ALG13: variants seen among roughly 807,000 people sequenced by gnomAD.
ALG13 encodes the protein ALG13 UDP-N-acetylglucosaminyltransferase subunit, also known as UDP-N-acetylglucosamine transferase subunit ALG13.
In ALG13, 11 loss-of-function variants were observed where a neutral mutation model predicts 87.8. The ratio of observed to expected loss-of-function variants is 0.13; its 90% CI spans 0.08 to 0.21. The LOEUF is 0.21. Among genes scored for constraint, ALG13 ranks in the 10% least tolerant of loss-of-function variants. ALG13 has a pLI of 1.00. For synonymous variants in ALG13, 320 were observed against 306.3 expected (o/e 1.04, Z -0.47); for missense variants, 756 against 866.1 (o/e 0.87, Z 1.60).
At chrX:111,732,752 G>T (rs1258438338) in intron 21 of ALG13, among the ~76,000 whole-genome samples, 1 of 111,611 alleles carries the variant, frequency 9.0e-6, no homozygotes, top group Non-Finnish European at 1.9e-5. Flanking sequence ...CCTTAGGAAG[G>T]AGAAGAAAAC....
chrX:111,727,505 A>G, intron 17 of ALG13, 60 bp downstream of exon 17: 1 of 1,095,769 alleles, frequency 9.1e-7, no homozygotes, highest in Non-Finnish European at 1.2e-6. Context: ...GCTGAACATT[A>G]ATGTTTTAAA....
intron 10 of ALG13, among the ~76,000 whole-genome samples, chrX:111,719,025 CTTTTTTTTT>C (rs1174274292): frequency 7.3e-5 from 6 of 82,415 alleles, no homozygotes; most frequent in African/African-American, 3.7e-4. Flanking sequence ...AATTTTTTTT[CTTTTTTTTT>C]TTTTTTTTTT....
chrX:111,688,942 T>A (rs1602526108), intron 3 of ALG13: 1 of 743,402 alleles, frequency 1.3e-6, no homozygotes, highest in Non-Finnish European at 1.6e-6. Context: ...ATATAGTTTA[T>A]CTATCAAAAT....
chrX:111,720,408 A>G (rs960151377), intron 11 of ALG13, among the ~76,000 whole-genome samples: 13 of 112,309 alleles, frequency 1.2e-4, no homozygotes, highest in Non-Finnish European at 2.4e-4. Context: ...CAGAAATTTC[A>G]AGAGCAATAT....
chrX:111,736,225 G>A (rs1429753753), intron 22 of ALG13, among the ~76,000 whole-genome samples: 1 of 111,690 alleles, frequency 9.0e-6, no homozygotes, highest in Admixed American at 9.5e-5. Flanking sequence ...AATCACTTGA[G>A]CCTGGAAAGT....
intron 24 of ALG13, among the ~76,000 whole-genome samples, chrX:111,752,119 A>T (rs755530523): frequency 8.9e-6 from 1 of 111,937 alleles, no homozygotes; most frequent in South Asian, 3.8e-4. Context: ...CTAGTAACTG[A>T]GGACCAAAAT....
rs186764010 is a variant in ALG13 at position 111,688,788 on chromosome X, A to G, written c.383+3685A>G. 3.9e-5 allele frequency: 29 copies of G among 740,255 alleles called. No homozygotes were observed. The East Asian group carries it at 3.2e-3, about 82-fold the overall frequency. The allele number at this position is 740,255 out of a possible 1,213,427, so 61.0% of individuals were successfully genotyped here. On this transcript the variant is annotated intron_variant, in intron 3 of 26. Coordinates refer to ENST00000394780, the MANE Select transcript of ALG13 (RefSeq NM_001099922.3). Reference sequence around the variant, plus strand: ...ATGAATGAACAATAAACTGATGCATATAATGGCTTAAATATATGGTTTTAA... The same window carrying G: ...ATGAATGAACAATAAACTGATGCATGTAATGGCTTAAATATATGGTTTTAA...
chrX:111,693,082 T>C (rs920829429), intron 3 of ALG13, among the ~76,000 whole-genome samples: 2 of 109,261 alleles, frequency 1.8e-5, no homozygotes, highest in African/African-American at 6.7e-5. Context: ...TGCCCAGTCA[T>C]CAAATGATAT....
intron 2 of ALG13, among the ~76,000 whole-genome samples, 189 bp from the exon 3 acceptor site, chrX:111,684,776 A>T (rs1005922936): frequency 1.8e-5 from 2 of 112,569 alleles, no homozygotes; most frequent in Non-Finnish European, 3.8e-5. Flanking sequence ...TTTCAAATAA[A>T]GTTTCTAGCA....
At position 111,726,922 on chromosome X, in the gene ALG13, C is replaced by G. The variant is rs374231091; in HGVS notation, c.1843C>G (p.Leu615Val). 8.3e-7 allele frequency: 1 copy of G among 1,211,745 alleles called. No homozygotes were observed. ...GGGAGACCCCCTCCTCCCACCCAGG[C>G]TGCAGCACAGTATGCATTATGGGCA... ...GKGDPLLPPRLQHSMHYGHDP... is the reference protein window; with the variant it reads ...GKGDPLLPPRVQHSMHYGHDP... Residue 615 changes from leucine to valine, a missense_variant, in exon 16 of 27, where the codon CTG (leucine) becomes GTG (valine). Physicochemically the swap from Leu to Val is conservative, Grantham distance 32. Around this residue, in one of 9 missense-constraint regions of ALG13, gnomAD observed 362 missense variants for 383.5 expected, o/e 0.94. Coordinates refer to ENST00000394780, the MANE Select transcript of ALG13 (RefSeq NM_001099922.3).
chrX:111,728,219 C>T lies in ALG13; in HGVS notation c.2282C>T (p.Thr761Ile), dbSNP rs2148234911. 10 of 1,210,928 alleles carry T rather than the reference C, an allele frequency of 8.3e-6. No homozygotes were observed. Among genetic ancestry groups the T allele is most frequent in the Non-Finnish European group, 1.1e-5 (10 of 894,824 alleles). ...GGTCCCTCTACAATGGTTCCTGCTA[C>T]TTCAGGATACTGTGTTGGAAGGCGG... ...HGGPSTMVPA[T>I]SGYCVGRRGH... The change falls in exon 19 of 27, where the codon ACT becomes ATT. Residue 761 changes from threonine to isoleucine, a missense_variant. Transcript: ENST00000394780.
At chrX:111,739,689 G>T (rs986311993) in intron 23 of ALG13, among the ~76,000 whole-genome samples, 4 of 112,439 alleles carry the variant, frequency 3.6e-5, no homozygotes, top group Non-Finnish European at 7.5e-5. Context: ...AGCACAAAGG[G>T]CAACATGTGA....
rs948073575 is a variant in ALG13 at position 111,749,957 on chromosome X, C to A, written c.2933-2833C>A. Among the ~76,000 whole-genome samples, 11 of 111,404 alleles carry A rather than the reference C, an allele frequency of 9.9e-5. No homozygotes were observed. The East Asian group carries it at 3.1e-3, about 32-fold the overall frequency. ...TGGTCTCACTGCTCTGGTACTATTC[C>A]ACTTTGTGTCTGTTCCTAGCTCAGA... is the stretch of plus-strand genomic sequence containing the variant. On this transcript the variant is annotated intron_variant, in intron 24 of 26. Coordinates refer to ENST00000394780, the MANE Select transcript of ALG13 (RefSeq NM_001099922.3).
At chrX:111,732,962 T>C (rs1393075788) in intron 21 of ALG13, among the ~76,000 whole-genome samples, 2 of 111,452 alleles carry the variant, frequency 1.8e-5, no homozygotes, top group Non-Finnish European at 3.8e-5. Flanking sequence ...ATTTCACTTG[T>C]CACATGTTCC....
At chrX:111,751,021 C>T (rs1944687246) in intron 24 of ALG13, among the ~76,000 whole-genome samples, 1 of 108,376 alleles carries the variant, frequency 9.2e-6, no homozygotes, top group African/African-American at 3.4e-5. Flanking sequence ...TTAGACCTAA[C>T]ACTATTATAC....
chrX:111,687,867 T>C, intron 3 of ALG13: 1 of 1,138,074 alleles, frequency 8.8e-7, no homozygotes, highest in Non-Finnish European at 1.2e-6. Context: ...TTACCTAATA[T>C]TTTTCTTCTT....
chrX:111,718,416 TG>T, intron 10 of ALG13, 142 bp downstream of exon 10: 1 of 519,268 alleles, frequency 1.9e-6, no homozygotes, highest in Admixed American at 4.5e-5. Flanking sequence ...ATATTTTTAA[TG>T]GGGGGAGAGT....
intron 3 of ALG13, chrX:111,685,373 G>A (rs917842910): frequency 1.8e-5 from 4 of 217,830 alleles, no homozygotes; most frequent in Non-Finnish European, 3.2e-5. Context: ...AGGCGTGCAT[G>A]TCTCCAAGAC....
At chrX:111,749,673 G>A (rs1046795220) in intron 24 of ALG13, among the ~76,000 whole-genome samples, 1 of 108,385 alleles carries the variant, frequency 9.2e-6, no homozygotes, top group Non-Finnish European at 1.9e-5. Flanking sequence ...TTTTTTTTTG[G>A]TGTAGAAGTC....
Sources: gnomAD v4.1 joint callset for allele counts (sites outside exome capture counted in the v4.1 genomes callset) on GRCh38, gnomAD v4.1.1 for gene constraint, gnomAD v4.1.1 regional missense constraint, MANE v1.5 for transcripts, NCBI Gene and HGNC (gene_info 2026-07-23, HGNC 2026-07-21) for gene names.